The following CSTPP1 variants were observed in gnomAD, a reference collection of about 807,000 sequenced individuals.
CSTPP1 encodes the protein centriolar satellite-associated tubulin polyglutamylase complex regulator 1, also known as UPF0705 protein C11orf49.
chr11:46,959,557 T>C, the CSTPP1 span, among the ~76,000 whole-genome samples: 1 of 152,188 alleles, frequency 6.6e-6, no homozygotes, highest in Non-Finnish European at 1.5e-5. Context: ...TGTAGACTTT[T>C]AACCCAATTT....
the CSTPP1 span, among the ~76,000 whole-genome samples, chr11:47,044,170 G>T: frequency 6.6e-6 from 1 of 151,952 alleles, no homozygotes; most frequent in Non-Finnish European, 1.5e-5. Flanking sequence ...TGTGTTTTTA[G>T]TAGAGACAGG....
the CSTPP1 span, among the ~76,000 whole-genome samples, chr11:46,992,533 C>T: frequency 3.8e-4 from 58 of 152,154 alleles, no homozygotes; most frequent in African/African-American, 1.3e-3. Context: ...GTGATGGTTT[C>T]CAGCTTCATC....
the CSTPP1 span, among the ~76,000 whole-genome samples, chr11:47,102,311 A>C: frequency 6.6e-6 from 1 of 152,166 alleles, no homozygotes; most frequent in African/African-American, 2.4e-5. Flanking sequence ...TTCTTTAAAA[A>C]AAAAATTAGA....
the CSTPP1 span, among the ~76,000 whole-genome samples, chr11:46,950,327 C>G: frequency 6.6e-6 from 1 of 151,058 alleles, no homozygotes; most frequent in Non-Finnish European, 1.5e-5. Flanking sequence ...GCGCCCGCCA[C>G]CTCGCCCAGC....
chr11:46,979,639 G>A, the CSTPP1 span, among the ~76,000 whole-genome samples: 1 of 152,004 alleles, frequency 6.6e-6, no homozygotes, highest in Non-Finnish European at 1.5e-5. Context: ...AAAAAAGGAC[G>A]CGGTGGCTTA....
At chr11:47,159,980 GACA>G in the CSTPP1 span, 6 of 301,746 alleles carry the variant, frequency 2.0e-5, no homozygotes, top group South Asian at 5.7e-5. Context: ...TTTCAGCCTG[GACA>G]ACAAGAGCGA....
At chr11:47,161,910 G>A in the CSTPP1 span, 25 of 1,231,496 alleles carry the variant, frequency 2.0e-5, no homozygotes, top group East Asian at 1.2e-4. Context: ...TTGTCACGCC[G>A]TAGCCTGTTA....
chr11:47,035,671 A>G, the CSTPP1 span, among the ~76,000 whole-genome samples: 1 of 152,160 alleles, frequency 6.6e-6, no homozygotes, highest in Non-Finnish European at 1.5e-5. Context: ...CAGTTTTGCT[A>G]AATGTTAACT....
At chr11:47,144,650 C>A in the CSTPP1 span, among the ~76,000 whole-genome samples, 5 of 152,160 alleles carry the variant, frequency 3.3e-5, no homozygotes, top group Admixed American at 3.3e-4. Context: ...CCAGTAAAGA[C>A]AAGACTTCTT....
the CSTPP1 span, among the ~76,000 whole-genome samples, chr11:46,938,437 G>C: frequency 6.7e-6 from 1 of 150,318 alleles, no homozygotes; most frequent in Non-Finnish European, 1.5e-5. Context: ...CAGTTCTGTG[G>C]GTTTTGATAA....
chr11:47,111,518 A>T, the CSTPP1 span, among the ~76,000 whole-genome samples: 1 of 150,546 alleles, frequency 6.6e-6, no homozygotes, highest in Non-Finnish European at 1.5e-5. Flanking sequence ...GTTGCTAACG[A>T]CTCTCCTGTT....
the CSTPP1 span, among the ~76,000 whole-genome samples, chr11:46,953,706 T>G: frequency 1.3e-5 from 2 of 152,216 alleles, no homozygotes; most frequent in Non-Finnish European, 2.9e-5. Context: ...GACAGACATT[T>G]TGCCATATTT....
the CSTPP1 span, among the ~76,000 whole-genome samples, chr11:47,119,505 T>C: frequency 6.6e-6 from 1 of 151,836 alleles, no homozygotes; most frequent in African/African-American, 2.4e-5. Context: ...GGTACCTCAG[T>C]TGGAAATGCA....
the CSTPP1 span, among the ~76,000 whole-genome samples, chr11:47,142,650 G>T: frequency 1.3e-5 from 2 of 152,064 alleles, no homozygotes; most frequent in African/African-American, 4.8e-5. Flanking sequence ...GAGCTTATGA[G>T]AGTGAGGCTT....
the CSTPP1 span, among the ~76,000 whole-genome samples, chr11:46,983,377 C>A: frequency 6.6e-6 from 1 of 152,188 alleles, no homozygotes; most frequent in East Asian, 1.9e-4. Flanking sequence ...AAATGCTTAT[C>A]TCAGACAGTG....
the CSTPP1 span, among the ~76,000 whole-genome samples, chr11:47,156,821 A>G: frequency 1.3e-5 from 2 of 152,202 alleles, no homozygotes; most frequent in Non-Finnish European, 2.9e-5. Context: ...GGGACATTTG[A>G]GCAAAAACAC....
At chr11:47,162,224 T>G in the CSTPP1 span, 1 of 985,428 alleles carries the variant, frequency 1.0e-6, no homozygotes. Flanking sequence ...GTGAAACGAA[T>G]AAAAAGTCCC....
At chr11:47,142,088 CA>C in the CSTPP1 span, among the ~76,000 whole-genome samples, 1 of 151,542 alleles carries the variant, frequency 6.6e-6, no homozygotes, top group African/African-American at 2.4e-5. Flanking sequence ...ACTAAAAATA[CA>C]AAAATTAGCT....
chr11:47,001,807 T>A, the CSTPP1 span, among the ~76,000 whole-genome samples: 1 of 152,170 alleles, frequency 6.6e-6, no homozygotes, highest in African/African-American at 2.4e-5. Context: ...ATCTAGAGTT[T>A]AAATAATGTT....
Sources: gnomAD v4.1 joint callset for allele counts (sites outside exome capture counted in the v4.1 genomes callset) on GRCh38, gnomAD v4.1.1 for gene constraint, MANE v1.5 for transcripts, NCBI Gene and HGNC (gene_info 2026-07-23, HGNC 2026-07-21) for gene names.